The following PAPPA2 variants were observed in gnomAD, a reference collection of about 807,000 sequenced individuals.
PAPPA2 encodes pappalysin 2, also known as pappalysin-2.
In PAPPA2, 86 loss-of-function variants were observed where a neutral mutation model predicts 176.4. The observed-to-expected ratio is 0.49, with a 90% CI of 0.41 to 0.58. The LOEUF (loss-of-function observed/expected upper bound fraction) is 0.58. Ranked by LOEUF, PAPPA2 falls within the 20% of genes least tolerant of loss-of-function variation. The pLI, the probability that PAPPA2 is intolerant of heterozygous loss-of-function variation, is 0.00. For missense variants in PAPPA2, 2,073 were observed against 2,256.9 expected (o/e 0.92, Z 1.65); for synonymous variants, 809 against 852.2 (o/e 0.95, Z 0.88).
intron 1 of PAPPA2, among the ~76,000 whole-genome samples, chr1:176,482,539 A>G (rs72715180): frequency 0.11 from 17,390 of 152,234 alleles, 1,040 homozygotes; most frequent in Middle Eastern, 0.2. Flanking sequence ...GAGGTTTTTA[A>G]TGTAACCAAA....
intron 1 of PAPPA2, among the ~76,000 whole-genome samples, chr1:176,467,401 G>T (rs1212792881): frequency 1.3e-5 from 2 of 152,090 alleles, no homozygotes; most frequent in African/African-American, 4.8e-5. Context: ...AGAAGTGTTG[G>T]CATGTTGCAT....
At chr1:176,547,243 C>A (rs1490540269) in intron 1 of PAPPA2, among the ~76,000 whole-genome samples, 1 of 152,138 alleles carries the variant, frequency 6.6e-6, no homozygotes, top group Admixed American at 6.6e-5. Context: ...ATGGGTCTGT[C>A]TCCTAAGCCT....
chr1:176,676,495 C>T (rs566039299), intron 4 of PAPPA2, among the ~76,000 whole-genome samples: 12 of 150,762 alleles, frequency 8.0e-5, no homozygotes, highest in African/African-American at 2.7e-4. Flanking sequence ...CATGGTGTAA[C>T]ATTTCACATT....
Position 176,810,689 on chromosome 1 carries a change from G to T in PAPPA2, c.5202+10557G>T, listed in dbSNP as rs1162176720. Among the ~76,000 whole-genome samples the T allele has an allele frequency of 2.0e-5, 3 of 152,162 alleles. No homozygotes were observed. The East Asian group carries it at 5.8e-4, about 29-fold the overall frequency. On this transcript the variant is annotated intron_variant, in intron 21 of 22. Coordinates refer to ENST00000367662, the MANE Select transcript of PAPPA2 (RefSeq NM_020318.3). ...GTGTGGTTCTGGACCAGTGGCAGCA[G>T]CCTCACCTGGGCACTTGCTAGAAAT...
At chr1:176,756,348 G>C (rs895191591) in intron 14 of PAPPA2, among the ~76,000 whole-genome samples, 1 of 152,170 alleles carries the variant, frequency 6.6e-6, no homozygotes, top group Admixed American at 6.5e-5. Context: ...GGAAGAATAG[G>C]AGGGGCTGGT....
At chr1:176,476,577 C>G (rs998323843) in intron 1 of PAPPA2, among the ~76,000 whole-genome samples, 1 of 152,198 alleles carries the variant, frequency 6.6e-6, no homozygotes, top group Non-Finnish European at 1.5e-5. Context: ...CCTGCCTAGA[C>G]TCAAGAACTC....
chr1:176,784,401 G>A (rs1028212341), intron 17 of PAPPA2, among the ~76,000 whole-genome samples: 3 of 152,130 alleles, frequency 2.0e-5, no homozygotes, highest in Admixed American at 6.6e-5. Context: ...TAGAAGCAAT[G>A]CAGAGGCACT....
chr1:176,797,636 G>C (rs1033172254), intron 20 of PAPPA2, among the ~76,000 whole-genome samples: 1 of 151,714 alleles, frequency 6.6e-6, no homozygotes, highest in Non-Finnish European at 1.5e-5. Context: ...GACTGAGACT[G>C]TCTCAAAAAA....
chr1:176,739,570 A>T (rs919537276), intron 12 of PAPPA2, 56 bp from the exon 13 acceptor site: 1 of 1,542,940 alleles, frequency 6.5e-7, no homozygotes. Flanking sequence ...TGTATAGCAC[A>T]TGTCTTGATA....
At chr1:176,678,015 G>A (rs192580350) in intron 4 of PAPPA2, among the ~76,000 whole-genome samples, 4 of 152,256 alleles carry the variant, frequency 2.6e-5, no homozygotes, top group East Asian at 1.9e-4. Context: ...AAGCATTAAC[G>A]AAGAGTTTCC....
At chr1:176,721,891 T>G (rs1485428866) in intron 12 of PAPPA2, among the ~76,000 whole-genome samples, 1 of 152,178 alleles carries the variant, frequency 6.6e-6, no homozygotes. Flanking sequence ...CACCTTTTTT[T>G]GTGTATCTTT....
At chr1:176,599,618 AAT>A (rs1172675603) in intron 3 of PAPPA2, among the ~76,000 whole-genome samples, 2 of 149,722 alleles carry the variant, frequency 1.3e-5, no homozygotes, top group African/African-American at 4.9e-5. Context: ...GATTATTTTT[AAT>A]ATAATCTTAA....
intron 1 of PAPPA2, among the ~76,000 whole-genome samples, chr1:176,506,619 A>C (rs774738317): frequency 5.3e-5 from 8 of 151,930 alleles, no homozygotes; most frequent in Non-Finnish European, 1.2e-4. Flanking sequence ...TGGCTATGTA[A>C]ATGGGATTGT....
At chr1:176,693,410 A>G (rs1660214512) in intron 6 of PAPPA2, among the ~76,000 whole-genome samples, 1 of 152,240 alleles carries the variant, frequency 6.6e-6, no homozygotes, top group South Asian at 2.1e-4. Flanking sequence ...AATAAGGAAC[A>G]TAGAATGGAT....
rs186318013 is a variant in PAPPA2 at position 176,506,582 on chromosome 1, A to G, written c.-917+43164A>G. On this transcript the variant is annotated intron_variant, in intron 1 of 22. Transcript: ENST00000367662. ...AGATCTTTCATTTCCTTTGTTAGCC[A>G]TATTCCTAGGTATTTTATTTTCTTT... is the stretch of plus-strand genomic sequence containing the variant. 7.5e-4 allele frequency among the ~76,000 whole-genome samples: 114 copies of G among 151,988 alleles called. 1 individual carries two copies. In the Middle Eastern group the frequency reaches 0.01, roughly 14 times the overall value.
chr1:176,503,122 G>T (rs1240054517), intron 1 of PAPPA2, among the ~76,000 whole-genome samples: 1 of 152,146 alleles, frequency 6.6e-6, no homozygotes, highest in African/African-American at 2.4e-5. Context: ...TCCTTCTGGA[G>T]ACTCTAGGAG....
chr1:176,515,529 C>G (rs531135865), intron 1 of PAPPA2, among the ~76,000 whole-genome samples: 5 of 152,268 alleles, frequency 3.3e-5, no homozygotes, highest in Admixed American at 1.3e-4. Context: ...GGCTTCCTGC[C>G]AAACCTAAAC....
chr1:176,464,938 G>T (rs141665535), intron 1 of PAPPA2, among the ~76,000 whole-genome samples: 1 of 152,140 alleles, frequency 6.6e-6, no homozygotes, highest in African/African-American at 2.4e-5. Context: ...GTTATTGCTG[G>T]ATAGGTGTTT....
chr1:176,562,514 A>G (rs1397964742), intron 2 of PAPPA2, among the ~76,000 whole-genome samples: 1 of 152,138 alleles, frequency 6.6e-6, no homozygotes, highest in Non-Finnish European at 1.5e-5. Flanking sequence ...GCTTCTTCCT[A>G]TATCACAGCA....
Sources: gnomAD v4.1 joint callset for allele counts (sites outside exome capture counted in the v4.1 genomes callset) on GRCh38, gnomAD v4.1.1 for gene constraint, MANE v1.5 for transcripts, NCBI Gene and HGNC (gene_info 2026-07-23, HGNC 2026-07-21) for gene names.